SPIRE1: variants seen among roughly 807,000 people sequenced by gnomAD.
The protein encoded by SPIRE1 is protein spire homolog 1.
A neutral mutation model predicts 94.1 loss-of-function variants in SPIRE1; 40 were observed. The observed-to-expected ratio is 0.43, with a 90% CI of 0.33 to 0.55. The LOEUF is 0.55. Among genes scored for constraint, SPIRE1 ranks in the 20% least tolerant of loss-of-function variants. The pLI, the probability that SPIRE1 is intolerant of heterozygous loss-of-function variation, is 0.06. For missense variants in SPIRE1, 838 were observed against 975.2 expected (o/e 0.86, Z 1.87); for synonymous variants, 376 against 371.7 (o/e 1.01, Z -0.13).
chr18:12,625,538 T>C (rs1481762223), intron 2 of SPIRE1, among the ~76,000 whole-genome samples: 1 of 152,232 alleles, frequency 6.6e-6, no homozygotes, highest in African/African-American at 2.4e-5. Context: ...GATTCAATAA[T>C]AATTGCCTTG....
chr18:12,486,056 C>T, intron 8 of SPIRE1, 56 bp from the exon 9 acceptor site: 1 of 1,346,810 alleles, frequency 7.4e-7, no homozygotes, highest in Non-Finnish European at 1.0e-6. Context: ...TAGGAATATA[C>T]AGAGAGGACA....
At chr18:12,473,940 T>C (rs562013656) in intron 10 of SPIRE1, among the ~76,000 whole-genome samples, 1 of 152,244 alleles carries the variant, frequency 6.6e-6, no homozygotes, top group East Asian at 1.9e-4. Context: ...TAAAAGAATA[T>C]AGAGTTTCTA....
In SPIRE1 at chr18:12,592,850, T is replaced by C. The variant is rs548109749; in HGVS notation, c.372+42212A>G. ...ATAATTAACTTCTATCTCCTAAGCCTAATCCAGTCGTTGTTTTCCTTTCTT... is the reference window on the plus strand; with the variant it reads ...ATAATTAACTTCTATCTCCTAAGCCCAATCCAGTCGTTGTTTTCCTTTCTT... On this transcript the variant is annotated intron_variant, in intron 2 of 16. Transcript: ENST00000409402. Among the ~76,000 whole-genome samples the C allele has an allele frequency of 2.4e-3, 358 of 152,334 alleles. 3 individuals are homozygous for C. Among genetic ancestry groups the C allele is most frequent in the South Asian group, 0.014 (69 of 4,828 alleles).
chr18:12,495,945 G>C (rs2033441166), intron 7 of SPIRE1, 71 bp downstream of exon 7: 2 of 1,192,962 alleles, frequency 1.7e-6, no homozygotes, highest in Non-Finnish European at 2.5e-6. Flanking sequence ...CTGAGTTCTA[G>C]AGATGACACC....
At chr18:12,493,230 T>A in intron 7 of SPIRE1, 29 bp from the exon 8 acceptor site, 1 of 1,594,316 alleles carries the variant, frequency 6.3e-7, no homozygotes, top group Non-Finnish European at 8.5e-7. Context: ...GGCTAAAGAC[T>A]TCAGTAATTA....
At chr18:12,654,567 C>A (rs1401908719) in intron 1 of SPIRE1, among the ~76,000 whole-genome samples, 2 of 149,212 alleles carry the variant, frequency 1.3e-5, no homozygotes, top group Non-Finnish European at 3.0e-5. Context: ...GAATGGCATG[C>A]ACCTGGGAGG....
chr18:12,642,400 C>G (rs1272018098), intron 1 of SPIRE1, among the ~76,000 whole-genome samples: 1 of 152,080 alleles, frequency 6.6e-6, no homozygotes, highest in African/African-American at 2.4e-5. Flanking sequence ...TAACTAAATC[C>G]CTTACCTTTC....
chr18:12,481,425 T>C (rs2032838792), intron 9 of SPIRE1, among the ~76,000 whole-genome samples: 1 of 152,244 alleles, frequency 6.6e-6, no homozygotes, highest in South Asian at 2.1e-4. Flanking sequence ...ACATTATTTA[T>C]AAAAACCATG....
rs116317709 is a variant in SPIRE1 at position 12,458,259 on chromosome 18, G to C, written c.1639-3776C>G. Among the ~76,000 whole-genome samples the C allele has an allele frequency of 5.2e-3, 795 of 152,042 alleles. 5 individuals carry two copies. The highest frequency in any genetic ancestry group is 0.018 in the African/African-American group (752 of 41,460). On this transcript the variant is annotated intron_variant, in intron 12 of 16. Coordinates refer to ENST00000409402, the MANE Select transcript of SPIRE1 (RefSeq NM_001128626.2). ...TTTTGAGTTTTTAATAAACCAAAGA[G>C]AGGCAAATTTAAATAAAAACAGCAA...
At chr18:12,525,571 T>TGG (rs2034497726) in intron 4 of SPIRE1, among the ~76,000 whole-genome samples, 1 of 152,006 alleles carries the variant, frequency 6.6e-6, no homozygotes, top group Non-Finnish European at 1.5e-5. Context: ...CAAGCATTTA[T>TGG]GGGGGATTGG....
intron 2 of SPIRE1, among the ~76,000 whole-genome samples, chr18:12,562,996 T>C (rs544865573): frequency 3.3e-5 from 5 of 152,320 alleles, no homozygotes; most frequent in Middle Eastern, 6.8e-3. Flanking sequence ...TTGAGAGATA[T>C]GCAATCACTG....
chr18:12,583,643 G>A (rs2036314726), intron 2 of SPIRE1, among the ~76,000 whole-genome samples: 1 of 151,238 alleles, frequency 6.6e-6, no homozygotes, highest in Admixed American at 6.6e-5. Context: ...ATAAAAAAAG[G>A]CCAGGCCAGG....
chr18:12,526,717 A>AT lies in SPIRE1; in HGVS notation c.729+8758dup, dbSNP rs35114575. Reference sequence around the variant, plus strand: ...AAGACATTTTATTTTTTTTAATTTAATTTTTTTTTTGAGAGGAGTCTCACT... The same window carrying AT: ...AAGACATTTTATTTTTTTTAATTTAATTTTTTTTTTTGAGAGGAGTCTCACT... On this transcript the variant is annotated intron_variant, in intron 4 of 16. Coordinates refer to ENST00000409402, the MANE Select transcript of SPIRE1 (RefSeq NM_001128626.2). Among the ~76,000 whole-genome samples, 30 of 150,282 alleles carry AT rather than the reference A, an allele frequency of 2.0e-4. No individual in the cohort carries two copies. In the East Asian group the frequency reaches 2.7e-3, roughly 14 times the overall value.
chr18:12,538,742 G>A (rs1324689977), intron 3 of SPIRE1, among the ~76,000 whole-genome samples: 1 of 152,086 alleles, frequency 6.6e-6, no homozygotes, highest in Non-Finnish European at 1.5e-5. Context: ...GAACTCTTGG[G>A]CTCAGGCAAT....
At chr18:12,614,646 T>C (rs1172584581) in intron 2 of SPIRE1, among the ~76,000 whole-genome samples, 2 of 151,390 alleles carry the variant, frequency 1.3e-5, no homozygotes, top group African/African-American at 2.4e-5. Context: ...TGAAACCCCG[T>C]CTCTACTAAA....
intron 2 of SPIRE1, among the ~76,000 whole-genome samples, chr18:12,623,039 T>C (rs1335958470): frequency 2.0e-5 from 3 of 152,224 alleles, no homozygotes; most frequent in African/African-American, 7.2e-5. Context: ...GTTATGTACC[T>C]AAGGGAAGAG....
chr18:12,576,089 G>C (rs1312001496), intron 2 of SPIRE1, among the ~76,000 whole-genome samples: 1 of 152,064 alleles, frequency 6.6e-6, no homozygotes, highest in African/African-American at 2.4e-5. Context: ...TGTAATCCCA[G>C]CTACTCGGGA....
At chr18:12,455,337 A>G (rs980203165) in intron 12 of SPIRE1, among the ~76,000 whole-genome samples, 3 of 152,222 alleles carry the variant, frequency 2.0e-5, no homozygotes, top group Admixed American at 2.0e-4. Context: ...CAGTTACATC[A>G]GCACACCTTT....
At chr18:12,572,045 G>A (rs1345430048) in intron 2 of SPIRE1, among the ~76,000 whole-genome samples, 2 of 152,190 alleles carry the variant, frequency 1.3e-5, no homozygotes, top group Non-Finnish European at 2.9e-5. Context: ...AGTTATACAG[G>A]AGCAGATGGG....
Sources: gnomAD v4.1 joint callset for allele counts (sites outside exome capture counted in the v4.1 genomes callset) on GRCh38, gnomAD v4.1.1 for gene constraint, MANE v1.5 for transcripts, NCBI Gene and HGNC (gene_info 2026-07-23, HGNC 2026-07-21) for gene names.